The following IMMP2L variants were observed in gnomAD, a reference collection of about 807,000 sequenced individuals.
IMMP2L encodes the protein mitochondrial inner membrane protease subunit 2.
IMMP2L carries 18 observed loss-of-function variants against 19.3 expected under a neutral mutation model. The observed-to-expected ratio is 0.93, with a 90% CI of 0.64 to 1.38. The LOEUF (loss-of-function observed/expected upper bound fraction) is 1.38, where lower values mean the gene tolerates loss of function less well. IMMP2L is among the 40% of genes most tolerant of loss of function. IMMP2L has a pLI of 0.00. For synonymous variants in IMMP2L, 76 were observed against 73.0 expected (o/e 1.04, Z -0.21); for missense variants, 233 against 218.2 (o/e 1.07, Z -0.43).
chr7:111,490,076 G>A (rs1016958017), intron 2 of IMMP2L, among the ~76,000 whole-genome samples: 3 of 149,346 alleles, frequency 2.0e-5, no homozygotes, highest in East Asian at 2.0e-4. Context: ...CATTACACAC[G>A]TGAGCCACCA....
chr7:110,917,138 A>G (rs79199652), intron 4 of IMMP2L, among the ~76,000 whole-genome samples: 4,647 of 152,266 alleles, frequency 0.031, 208 homozygotes, highest in African/African-American at 0.1. Context: ...AAGTCACATA[A>G]AGATGGAGGC....
At chr7:110,714,053 G>GTC (rs1229581034) in intron 5 of IMMP2L, among the ~76,000 whole-genome samples, 1 of 152,154 alleles carries the variant, frequency 6.6e-6, no homozygotes, top group Non-Finnish European at 1.5e-5. Context: ...GTATGATGCT[G>GTC]TCTGTGGGTC....
At chr7:110,818,505 C>A (rs536077055) in intron 5 of IMMP2L, among the ~76,000 whole-genome samples, 2,723 of 152,228 alleles carry the variant, frequency 0.018, 85 homozygotes, top group African/African-American at 0.063. Context: ...AACACTTTTA[C>A]ACTGTTGGTG....
At chr7:110,780,436 C>A (rs777349856) in intron 5 of IMMP2L, among the ~76,000 whole-genome samples, 4 of 151,722 alleles carry the variant, frequency 2.6e-5, no homozygotes, top group Non-Finnish European at 4.4e-5. Context: ...TATATTTCTG[C>A]AAATATTCTA....
In IMMP2L at chr7:111,487,656, T is replaced by C. The variant is rs199869590; in HGVS notation, c.136-315A>G. On this transcript the variant is annotated intron_variant, in intron 2 of 5. Transcript: ENST00000405709. The stretch of plus-strand genomic sequence containing the variant: ...ATAATATAAAAACATGAGGAAGAAG[T>C]GAGTCAAACCTCCTAACAAAATATC... 3.3e-5 allele frequency among the ~76,000 whole-genome samples: 5 copies of C among 152,142 alleles called. No individual in the cohort carries two copies. In the East Asian group the frequency reaches 7.7e-4, roughly 23 times the overall value.
intron 3 of IMMP2L, among the ~76,000 whole-genome samples, chr7:111,263,931 G>A: frequency 6.6e-6 from 1 of 152,130 alleles, no homozygotes; most frequent in East Asian, 1.9e-4. Context: ...CATGCAGGTT[G>A]CTGGTGACCT....
intron 4 of IMMP2L, among the ~76,000 whole-genome samples, chr7:110,950,294 G>T (rs1279181612): frequency 6.6e-6 from 1 of 152,056 alleles, no homozygotes; most frequent in Non-Finnish European, 1.5e-5. Flanking sequence ...TTCTCTCAGT[G>T]TCTCTATTCT....
At chr7:110,828,038 G>A (rs1803659948) in intron 5 of IMMP2L, among the ~76,000 whole-genome samples, 1 of 152,100 alleles carries the variant, frequency 6.6e-6, no homozygotes. Flanking sequence ...TAAAAAGACT[G>A]TTCTCAAAGT....
intron 5 of IMMP2L, among the ~76,000 whole-genome samples, chr7:110,791,164 T>A (rs1584840799): frequency 6.6e-6 from 1 of 151,856 alleles, no homozygotes; most frequent in East Asian, 1.9e-4. Flanking sequence ...CTTGCATGCC[T>A]TTCTCCCAAC....
intron 4 of IMMP2L, among the ~76,000 whole-genome samples, chr7:110,957,524 A>G (rs962195585): frequency 1.3e-5 from 2 of 151,864 alleles, no homozygotes; most frequent in East Asian, 2.0e-4. Flanking sequence ...AAAAATGCCA[A>G]TCAGATCATA....
chr7:111,402,299 A>G (rs6951328), intron 3 of IMMP2L, among the ~76,000 whole-genome samples: 3,384 of 152,066 alleles, frequency 0.022, 130 homozygotes, highest in African/African-American at 0.077. Flanking sequence ...TTGTATTCCC[A>G]GCAATATCAA....
At chr7:111,039,818 A>C (rs1368002369) in intron 3 of IMMP2L, among the ~76,000 whole-genome samples, 1 of 152,144 alleles carries the variant, frequency 6.6e-6, no homozygotes, top group Non-Finnish European at 1.5e-5. Context: ...TTAATTGGCT[A>C]CCACTGCATT....
intron 1 of IMMP2L, among the ~76,000 whole-genome samples, chr7:111,554,218 C>T (rs1790996249): frequency 1.3e-5 from 2 of 152,078 alleles, no homozygotes; most frequent in African/African-American, 4.8e-5. Flanking sequence ...TGTTAGCTGT[C>T]TAATATATAA....
chr7:111,540,426 C>A (rs1848411189), intron 1 of IMMP2L, among the ~76,000 whole-genome samples: 1 of 152,212 alleles, frequency 6.6e-6, no homozygotes, highest in African/African-American at 2.4e-5. Context: ...CAAGTCCAGG[C>A]TCTGTAACAA....
intron 3 of IMMP2L, among the ~76,000 whole-genome samples, chr7:111,115,279 G>C (rs1799743925): frequency 6.6e-6 from 1 of 151,786 alleles, no homozygotes; most frequent in Non-Finnish European, 1.5e-5. Flanking sequence ...AAAAATATAA[G>C]CATCAAGAGA....
intron 5 of IMMP2L, among the ~76,000 whole-genome samples, chr7:110,715,624 T>A (rs1246349214): frequency 1.3e-5 from 2 of 152,210 alleles, no homozygotes; most frequent in Non-Finnish European, 2.9e-5. Context: ...CACTACGGTC[T>A]GAGAGTATGT....
chr7:111,186,052 T>A, intron 3 of IMMP2L, among the ~76,000 whole-genome samples: 1 of 152,294 alleles, frequency 6.6e-6, no homozygotes, highest in Admixed American at 6.5e-5. Context: ...AAATATATAA[T>A]AACATCACAA....
Position 110,663,577 on chromosome 7 carries a change from C to T in IMMP2L, c.*25G>A, listed in dbSNP as rs567800193. On this transcript the variant is annotated 3_prime_UTR_variant, in exon 6 of 6. Coordinates refer to ENST00000405709, the MANE Select transcript of IMMP2L (RefSeq NM_032549.4). ...TTTCCAGTAACTGGCCTCCCAATGC[C>T]AGCAACTCAGGTAGATTCATGCAGT... is the stretch of plus-strand genomic sequence containing the variant. 8.1e-6 allele frequency: 13 copies of T among 1,612,112 alleles called. No homozygotes were observed. In the East Asian group the frequency reaches 2.5e-4, roughly 30 times the overall value.
chr7:111,219,106 T>C (rs1290408403), intron 3 of IMMP2L, among the ~76,000 whole-genome samples: 1 of 152,062 alleles, frequency 6.6e-6, no homozygotes, highest in Admixed American at 6.6e-5. Context: ...CAACTATTGA[T>C]GTATGTTATA....
Sources: allele counts gnomAD v4.1 joint callset (sites outside exome capture counted in the v4.1 genomes callset), GRCh38; gene constraint gnomAD v4.1.1; transcripts MANE v1.5; gene names NCBI Gene and HGNC (gene_info 2026-07-23, HGNC 2026-07-21).